PIP5K1B: variants seen among roughly 807,000 people sequenced by gnomAD.
PIP5K1B encodes the protein phosphatidylinositol-4-phosphate 5-kinase type 1 beta.
Under a neutral mutation model 67.0 loss-of-function variants are expected in PIP5K1B, and 42 were observed. That is an observed-to-expected ratio of 0.63 (90% CI 0.49 to 0.81). The LOEUF (loss-of-function observed/expected upper bound fraction) is 0.81, where lower values mean the gene tolerates loss of function less well. Among genes scored for constraint, PIP5K1B ranks in the 30% least tolerant of loss-of-function variants. PIP5K1B has a pLI of 0.00. For missense variants in PIP5K1B, 459 were observed against 646.3 expected, an observed-to-expected ratio of 0.71 and a Z score of 3.14; for synonymous variants, 214 against 231.4, an observed-to-expected ratio of 0.92 and a Z score of 0.68.
intron 1 of PIP5K1B, chr9:68,706,337 G>A (rs569795239): frequency 1.3e-5 from 2 of 152,362 alleles, no homozygotes; most frequent in Non-Finnish European, 2.9e-5. Context: ...GGGAGTGTAG[G>A]GGCACTGGGG....
At chr9:68,923,774 T>C (rs1826532611) in intron 12 of PIP5K1B, among the ~76,000 whole-genome samples, 1 of 152,174 alleles carries the variant, frequency 6.6e-6, no homozygotes. Context: ...TAAGGGAATA[T>C]ACAAAACAGC....
At chr9:68,887,711 G>C (rs1194059414) in intron 6 of PIP5K1B, among the ~76,000 whole-genome samples, 1 of 152,288 alleles carries the variant, frequency 6.6e-6, no homozygotes, top group East Asian at 1.9e-4. Flanking sequence ...GGCATGAAAT[G>C]ATGAAACCTT....
At chr9:68,799,137 G>T (rs1436528321) in intron 2 of PIP5K1B, among the ~76,000 whole-genome samples, 1 of 152,174 alleles carries the variant, frequency 6.6e-6, no homozygotes, top group East Asian at 1.9e-4. Context: ...GGCTATATAA[G>T]TTCAAAGCTA....
intron 8 of PIP5K1B, among the ~76,000 whole-genome samples, chr9:68,916,282 A>T (rs776032294): frequency 6.6e-6 from 1 of 152,032 alleles, no homozygotes; most frequent in Admixed American, 6.6e-5. Context: ...ATAGAGGAAA[A>T]CACCCAGTTT....
At chr9:68,822,539 T>G (rs1833781629) in intron 3 of PIP5K1B, 76 bp from the exon 4 acceptor site, 2 of 1,040,674 alleles carry the variant, frequency 1.9e-6, no homozygotes, top group Non-Finnish European at 2.9e-6. Context: ...AATAGATCCT[T>G]TGGTTAGCAA....
At chr9:68,730,988 T>C (rs535635294) in intron 1 of PIP5K1B, among the ~76,000 whole-genome samples, 169 of 152,358 alleles carry the variant, frequency 1.1e-3, no homozygotes, top group African/African-American at 3.9e-3. Flanking sequence ...GAAGTCTTAG[T>C]TGAAATATGC....
intron 8 of PIP5K1B, among the ~76,000 whole-genome samples, chr9:68,913,258 C>G (rs558888784): frequency 1.1e-4 from 17 of 152,266 alleles, no homozygotes; most frequent in African/African-American, 4.1e-4. Flanking sequence ...GGAAAGGCAC[C>G]TGTATTTGCA....
chr9:68,928,396 A>G (rs993929555), intron 12 of PIP5K1B, among the ~76,000 whole-genome samples: 7 of 152,222 alleles, frequency 4.6e-5, no homozygotes, highest in African/African-American at 1.4e-4. Context: ...GCCATCTTAT[A>G]TCTTACATCC....
At chr9:68,995,762 G>A (rs192662641) in intron 15 of PIP5K1B, among the ~76,000 whole-genome samples, 17 of 144,112 alleles carry the variant, frequency 1.2e-4, no homozygotes, top group African/African-American at 3.6e-4. Flanking sequence ...CCAAGATTGC[G>A]CCATTGCACT....
In PIP5K1B at chr9:68,963,357, G is replaced by A. The variant is rs1485480104; in HGVS notation, c.1502+22567G>A. 1.3e-5 allele frequency: 5 copies of A among 381,466 alleles called. No homozygotes were observed. The East Asian group carries it at 3.8e-4, about 29-fold the overall frequency. 23.6% of individuals were successfully genotyped at this position (381,466 alleles called of 1,614,324 possible). On this transcript the variant is annotated intron_variant, in intron 14 of 15. Coordinates refer to ENST00000265382, the MANE Select transcript of PIP5K1B (RefSeq NM_003558.4). ...ATCTCTACTAAAAATACAAACATTAGCTGGGCGTGGTGGTGCATGCCTGTA... is the reference window on the plus strand; with the variant it reads ...ATCTCTACTAAAAATACAAACATTAACTGGGCGTGGTGGTGCATGCCTGTA...
intron 14 of PIP5K1B, among the ~76,000 whole-genome samples, chr9:68,958,018 A>G (rs1009637950): frequency 6.6e-6 from 1 of 151,976 alleles, no homozygotes; most frequent in African/African-American, 2.4e-5. Context: ...GACTACAGGC[A>G]TGCACCACCA....
chr9:68,911,506 T>C (rs896138774), intron 8 of PIP5K1B, among the ~76,000 whole-genome samples: 2 of 151,982 alleles, frequency 1.3e-5, no homozygotes, highest in Non-Finnish European at 2.9e-5. Flanking sequence ...AAGTATGAAA[T>C]CGCATTAGAA....
intron 4 of PIP5K1B, among the ~76,000 whole-genome samples, chr9:68,837,502 C>T (rs993268890): frequency 4.6e-5 from 7 of 151,822 alleles, no homozygotes; most frequent in African/African-American, 1.7e-4. Flanking sequence ...TTTATGAATA[C>T]CCTTTGCTGT....
chr9:68,921,564 C>T (rs1826404210), intron 11 of PIP5K1B, among the ~76,000 whole-genome samples: 1 of 152,058 alleles, frequency 6.6e-6, no homozygotes, highest in Non-Finnish European at 1.5e-5. Flanking sequence ...CCAGGTGCAT[C>T]TAAGGGCCCC....
At chr9:68,842,512 A>T (rs1252196124) in intron 4 of PIP5K1B, among the ~76,000 whole-genome samples, 2 of 152,236 alleles carry the variant, frequency 1.3e-5, no homozygotes, top group Non-Finnish European at 2.9e-5. Context: ...TGTGGATAGC[A>T]TATATGCAGA....
intron 14 of PIP5K1B, among the ~76,000 whole-genome samples, chr9:68,974,608 T>C (rs754367033): frequency 2.6e-5 from 4 of 152,234 alleles, no homozygotes; most frequent in Non-Finnish European, 5.9e-5. Context: ...CAGTAGCTTC[T>C]GTGACATTTT....
chr9:68,711,863 A>G (rs963143928), intron 1 of PIP5K1B, among the ~76,000 whole-genome samples: 1 of 152,230 alleles, frequency 6.6e-6, no homozygotes. Context: ...AGTTTGGTTC[A>G]GGGTACAGAG....
At chr9:68,828,809 G>A (rs900281163) in intron 4 of PIP5K1B, among the ~76,000 whole-genome samples, 22 of 152,302 alleles carry the variant, frequency 1.4e-4, no homozygotes, top group African/African-American at 4.6e-4. Context: ...ATGGTGGCTC[G>A]GTGGCTCTAT....
chr9:68,963,091 C>G (rs145137855), intron 14 of PIP5K1B: 204 of 451,264 alleles, frequency 4.5e-4, no homozygotes, highest in African/African-American at 3.7e-3. Context: ...AATAACTTGA[C>G]CTTTCCAAAG....
Sources: allele counts gnomAD v4.1 joint callset (sites outside exome capture counted in the v4.1 genomes callset), GRCh38; gene constraint gnomAD v4.1.1; transcripts MANE v1.5; gene names NCBI Gene and HGNC (gene_info 2026-07-23, HGNC 2026-07-21).